LRRC7: variants seen among roughly 807,000 people sequenced by gnomAD.
LRRC7 encodes the protein leucine-rich repeat-containing protein 7.
In LRRC7, 23 loss-of-function variants were observed where a neutral mutation model predicts 175.7. The ratio of observed to expected loss-of-function variants is 0.13; its 90% CI spans 0.09 to 0.19. The LOEUF (loss-of-function observed/expected upper bound fraction) is 0.19. LRRC7 is among the 10% of genes least tolerant of loss of function. The pLI, the probability that LRRC7 is intolerant of heterozygous loss-of-function variation, is 1.00. For missense variants in LRRC7, 1,354 were observed against 1,904.7 expected (o/e 0.71, Z 5.38); for synonymous variants, 685 against 680.9 (o/e 1.01, Z -0.09).
chr1:69,766,833 G>T (rs565272062), intron 3 of LRRC7, among the ~76,000 whole-genome samples: 77 of 152,202 alleles, frequency 5.1e-4, no homozygotes, highest in African/African-American at 1.7e-3. Flanking sequence ...ACAAATGGCA[G>T]GCTTCTACAA....
chr1:69,941,257 A>T (rs1648680686), intron 8 of LRRC7, among the ~76,000 whole-genome samples: 1 of 152,228 alleles, frequency 6.6e-6, no homozygotes, highest in Middle Eastern at 3.4e-3. Flanking sequence ...TTTTATTCTG[A>T]GTAAAATGGG....
intron 7 of LRRC7, among the ~76,000 whole-genome samples, chr1:69,853,273 T>TCTTTC (rs375586413): frequency 1.6e-5 from 2 of 126,432 alleles, no homozygotes; most frequent in African/African-American, 3.0e-5. Flanking sequence ...TTTCTTTCTT[T>TCTTTC]TTTTTTTTTT....
chr1:69,951,551 A>G (rs758227989), intron 8 of LRRC7, among the ~76,000 whole-genome samples: 6 of 152,124 alleles, frequency 3.9e-5, no homozygotes, highest in Non-Finnish European at 7.4e-5. Context: ...ATGCCCATCC[A>G]TGACACACTG....
intron 1 of LRRC7, among the ~76,000 whole-genome samples, chr1:69,623,436 A>G (rs201229163): frequency 1.6e-5 from 2 of 125,842 alleles, no homozygotes; most frequent in Admixed American, 8.4e-5. Flanking sequence ...TGCTATGAGG[A>G]AAAAAAAAAC....
Position 69,714,834 on chromosome 1 carries a change from G to A in LRRC7, c.100+36356G>A, listed in dbSNP as rs552537531. Among the ~76,000 whole-genome samples the A allele has an allele frequency of 2.2e-4, 34 of 152,040 alleles. No homozygotes were observed. The South Asian group carries it at 3.3e-3, about 15-fold the overall frequency. On this transcript the variant is annotated intron_variant, in intron 2 of 26. Transcript: ENST00000651989. ...AGACCAGGAGGAGCATTTTTATCAC[G>A]TTAAAACCGTAATTTCTATCTCACT...
intron 2 of LRRC7, among the ~76,000 whole-genome samples, chr1:69,757,818 C>T (rs1670598933): frequency 1.3e-5 from 2 of 151,682 alleles, no homozygotes; most frequent in African/African-American, 2.4e-5. Flanking sequence ...GGGTGTGTGC[C>T]GTGGATCAGC....
intron 22 of LRRC7, among the ~76,000 whole-genome samples, chr1:70,045,975 ATAGT>A (rs1036107744): frequency 1.5e-4 from 23 of 152,138 alleles, no homozygotes; most frequent in African/African-American, 5.6e-4. Context: ...ATTCAAGGTG[ATAGT>A]TGGATGGGAA....
At chr1:70,090,184 T>C (rs1189040989) in intron 25 of LRRC7, among the ~76,000 whole-genome samples, 1 of 152,142 alleles carries the variant, frequency 6.6e-6, no homozygotes. Context: ...AAGTCACTTA[T>C]TTAGGAAACT....
intron 2 of LRRC7, among the ~76,000 whole-genome samples, chr1:69,738,088 G>A (rs1668313873): frequency 6.6e-6 from 1 of 152,040 alleles, no homozygotes; most frequent in African/African-American, 2.4e-5. Flanking sequence ...TGGGCTTACT[G>A]AGATCGGTTT....
intron 4 of LRRC7, among the ~76,000 whole-genome samples, chr1:69,820,153 A>C (rs1445714149): frequency 6.6e-6 from 1 of 151,582 alleles, no homozygotes; most frequent in Non-Finnish European, 1.5e-5. Context: ...ATATGGTGGT[A>C]TGTTTTAAAT....
intron 22 of LRRC7, among the ~76,000 whole-genome samples, chr1:70,050,494 A>G (rs1187908341): frequency 3.3e-5 from 5 of 152,074 alleles, no homozygotes; most frequent in African/African-American, 1.2e-4. Context: ...TTTCTGTGTT[A>G]TTATATTTAG....
At chr1:70,022,001 T>C (rs1171420582) in intron 16 of LRRC7, among the ~76,000 whole-genome samples, 2 of 152,166 alleles carry the variant, frequency 1.3e-5, no homozygotes, top group Non-Finnish European at 2.9e-5. Flanking sequence ...TTGTGTGTTA[T>C]GTTTGTCTCT....
chr1:70,101,187 G>A (rs1017483090), intron 25 of LRRC7, among the ~76,000 whole-genome samples: 1 of 151,948 alleles, frequency 6.6e-6, no homozygotes, highest in African/African-American at 2.4e-5. Flanking sequence ...TCTGTTTGCT[G>A]TTTTCATGAG....
chr1:69,791,909 G>A (rs1033445017), intron 3 of LRRC7, 134 bp from the exon 4 acceptor site: 1 of 585,366 alleles, frequency 1.7e-6, no homozygotes, highest in African/African-American at 1.9e-5. Flanking sequence ...AGATGAGTAT[G>A]GAGGGAAGTG....
At chr1:69,994,229 G>T (rs934057292) in intron 10 of LRRC7, among the ~76,000 whole-genome samples, 2 of 152,110 alleles carry the variant, frequency 1.3e-5, no homozygotes, top group African/African-American at 4.8e-5. Context: ...ATCACAGCTG[G>T]CTTGAAAAAT....
chr1:69,775,009 A>G (rs910601468), intron 3 of LRRC7, among the ~76,000 whole-genome samples: 24 of 152,268 alleles, frequency 1.6e-4, no homozygotes, highest in Non-Finnish European at 3.1e-4. Flanking sequence ...GAACTGAGAT[A>G]TTTTTATTTA....
chr1:70,041,060 G>T (rs61782629), intron 21 of LRRC7, among the ~76,000 whole-genome samples: 18,684 of 152,016 alleles, frequency 0.12, 1,528 homozygotes, highest in African/African-American at 0.22. Flanking sequence ...AGATCTTTTT[G>T]GTGAAAATGG....
intron 18 of LRRC7, among the ~76,000 whole-genome samples, chr1:70,035,188 G>A (rs973689149): frequency 3.9e-5 from 6 of 152,092 alleles, no homozygotes; most frequent in Admixed American, 2.0e-4. Context: ...TAAGGGAAAA[G>A]AAGACATAAC....
chr1:69,580,710 G>T (rs1043756695), intron 1 of LRRC7, among the ~76,000 whole-genome samples: 1 of 152,140 alleles, frequency 6.6e-6, no homozygotes, highest in Non-Finnish European at 1.5e-5. Flanking sequence ...TTTACTGTGT[G>T]CCAGGCCTTG....
Sources: gnomAD v4.1 joint callset for allele counts (sites outside exome capture counted in the v4.1 genomes callset) on GRCh38, gnomAD v4.1.1 for gene constraint, MANE v1.5 for transcripts, NCBI Gene and HGNC (gene_info 2026-07-23, HGNC 2026-07-21) for gene names.